The following KCNQ1OT1 variants were observed in gnomAD, a reference collection of about 807,000 sequenced individuals.
KCNQ1OT1 encodes KCNQ1 opposite strand/antisense transcript 1.
chr11:2,679,390 T>A lies in KCNQ1OT1; in HGVS notation n.20605A>T. On this transcript the variant is annotated non_coding_transcript_exon_variant, in exon 1 of 1. Transcript: ENST00000597346. The surrounding 1 kb of genome is among the most constrained non-coding windows in gnomAD (Gnocchi z 4.8). ...GAGTCACTTAGTCTCAGTTTCTTTA[T>A]TTGTAAAATGGGAATCATAAGAGTA... The A allele has an allele frequency of 2.5e-6, 1 of 398,672 alleles. No individual in the cohort carries two copies. Among genetic ancestry groups the A allele is most frequent in the Non-Finnish European group, 4.4e-6 (1 of 226,078 alleles). 24.7% of individuals were successfully genotyped at this position (398,672 alleles called of 1,614,324 possible).
chr11:2,675,234 A>G (rs903835695), exon 1 of KCNQ1OT1: 7 of 398,528 alleles, frequency 1.8e-5, no homozygotes, highest in African/African-American at 1.4e-4. Flanking sequence ...GGGCCAAACC[A>G]GCTCCCAAGC....
At chr11:2,689,669 C>CA in exon 1 of KCNQ1OT1, 1 of 398,678 alleles carries the variant, frequency 2.5e-6, no homozygotes, top group Non-Finnish European at 4.4e-6. Context: ...CTGAGAGGGC[C>CA]AGGGCAGAGT....
chr11:2,656,456 GT>G (rs1849849651), exon 1 of KCNQ1OT1: 2 of 398,578 alleles, frequency 5.0e-6, no homozygotes, highest in Non-Finnish European at 8.8e-6. Context: ...TGTCTGTGTG[GT>G]TTCCTGCTGG....
chr11:2,666,865 G>C, exon 1 of KCNQ1OT1: 1 of 398,726 alleles, frequency 2.5e-6, no homozygotes, highest in Non-Finnish European at 4.4e-6. Flanking sequence ...TGAGGGGCTT[G>C]TCAAGAACAG....
chr11:2,640,627 C>G, exon 1 of KCNQ1OT1: 1 of 396,798 alleles, frequency 2.5e-6, no homozygotes, highest in Non-Finnish European at 4.4e-6. Context: ...TTACATGCAT[C>G]GAATGTGTAA....
At position 2,626,081 on chromosome 11, in the gene KCNQ1OT1, A is replaced by G; in HGVS notation, n.73914T>C. ...TTACTTTTATTGCCTGTGCAAGTAC[A>G]ATTTATCTATTTTTACTTTTATTGC... is the stretch of plus-strand genomic sequence containing the variant. On this transcript the variant is annotated non_coding_transcript_exon_variant, in exon 1 of 1. Coordinates refer to ENST00000597346, the Ensembl canonical transcript of KCNQ1OT1. This position sits in a 1 kb window ranked among gnomAD's most constrained non-coding sequence, Gnocchi z 4.0. 1 of 398,554 alleles carries G rather than the reference A, an allele frequency of 2.5e-6. No homozygotes were observed. Among genetic ancestry groups the G allele is most frequent in the Non-Finnish European group, 4.4e-6 (1 of 226,058 alleles). 24.7% of individuals were successfully genotyped at this position (398,554 alleles called of 1,614,324 possible). A position where few individuals can be genotyped will look rare whatever the true frequency, so the allele number is the denominator to read the frequency against.
chr11:2,630,810 T>A (rs1849340136), exon 1 of KCNQ1OT1: 3 of 398,346 alleles, frequency 7.5e-6, no homozygotes, highest in South Asian at 1.3e-4. Flanking sequence ...CCTGAGGAAG[T>A]CTTGTATCTG....
In KCNQ1OT1 at chr11:2,653,192, C is replaced by T; in HGVS notation, n.46803G>A. 1 of 398,760 alleles carries T rather than the reference C, an allele frequency of 2.5e-6. No homozygotes were observed. Among genetic ancestry groups the T allele is most frequent in the Non-Finnish European group, 4.4e-6 (1 of 226,132 alleles). 24.7% of individuals were successfully genotyped at this position (398,760 alleles called of 1,614,324 possible). A position where few individuals can be genotyped will look rare whatever the true frequency, so the allele number is the denominator to read the frequency against. On this transcript the variant is annotated non_coding_transcript_exon_variant, in exon 1 of 1. Transcript: ENST00000597346. This position sits in a 1 kb window ranked among gnomAD's most constrained non-coding sequence, Gnocchi z 5.3. ...AATCCCTTTCCAAGAGTTCCCTGTGCTGTTGCAGGGCTAGGGCCAGGGCCT... is the reference window on the plus strand; with the variant it reads ...AATCCCTTTCCAAGAGTTCCCTGTGTTGTTGCAGGGCTAGGGCCAGGGCCT...
At chr11:2,619,591 A>G (rs1196402157) in exon 1 of KCNQ1OT1, 3 of 398,354 alleles carry the variant, frequency 7.5e-6, no homozygotes, top group South Asian at 1.3e-4. Flanking sequence ...GGATTTTTGC[A>G]TCGGTATTCT....
rs1484280418 is a variant in KCNQ1OT1, at chr11:2,613,451, A to G, written n.86544T>C. ...TGCATAGGGTTTTCTATGGAATTCA[A>G]AATCAGATGAGCCTTCTTTGTTGCT... On this transcript the variant is annotated non_coding_transcript_exon_variant, in exon 1 of 1. Transcript: ENST00000597346. The surrounding 1 kb of genome is among the most constrained non-coding windows in gnomAD (Gnocchi z 4.8). 2.5e-6 allele frequency: 1 copy of G among 398,460 alleles called. No homozygotes were observed. Among genetic ancestry groups the G allele is most frequent in the East Asian group, 3.6e-5 (1 of 28,084 alleles). The allele number at this position is 398,460 out of a possible 1,614,324, so 24.7% of individuals were successfully genotyped here.
exon 1 of KCNQ1OT1, chr11:2,650,801 G>A (rs139281851): frequency 2.8e-5 from 11 of 398,604 alleles, no homozygotes; most frequent in African/African-American, 1.8e-4. Flanking sequence ...CTAACAGCAT[G>A]GGTCATGTGG....
exon 1 of KCNQ1OT1, chr11:2,686,970 G>A (rs543931993): frequency 2.5e-6 from 1 of 398,656 alleles, no homozygotes; most frequent in South Asian, 1.3e-4. Context: ...CTGATGCAGA[G>A]GCAAGGACAA....
chr11:2,654,236 T>G lies in KCNQ1OT1; in HGVS notation n.45759A>C, dbSNP rs1411677297. 5.0e-6 allele frequency: 2 copies of G among 398,442 alleles called. No homozygotes were observed. Among genetic ancestry groups the G allele is most frequent in the Admixed American group, 4.4e-5 (1 of 22,708 alleles). The allele number at this position is 398,442 out of a possible 1,614,324, so 24.7% of individuals were successfully genotyped here. A position where few individuals can be genotyped will look rare whatever the true frequency, so the allele number is the denominator to read the frequency against. On this transcript the variant is annotated non_coding_transcript_exon_variant, in exon 1 of 1. Transcript: ENST00000597346. The surrounding 1 kb of genome is among the most constrained non-coding windows in gnomAD (Gnocchi z 6.4). ...CTGGCTGCAGCTGTCCGGATGCCCCTGGGGAGGGCTTCTCCTTCACAGTGC... is the reference window on the plus strand; with the variant it reads ...CTGGCTGCAGCTGTCCGGATGCCCCGGGGGAGGGCTTCTCCTTCACAGTGC...
At position 2,663,008 on chromosome 11, in the gene KCNQ1OT1, G is replaced by A. The variant is rs970753182; in HGVS notation, n.36987C>T. ...GCAAGGCCTGGCCTTGCAAATCACT[G>A]AGGAAATCGGGACCCATGGTGCTGG... is the stretch of plus-strand genomic sequence containing the variant. On this transcript the variant is annotated non_coding_transcript_exon_variant, in exon 1 of 1. Coordinates refer to ENST00000597346, the Ensembl canonical transcript of KCNQ1OT1. This position sits in a 1 kb window ranked among gnomAD's most constrained non-coding sequence, Gnocchi z 5.2. The A allele has an allele frequency of 1.0e-5, 4 of 398,750 alleles. No individual in the cohort carries two copies. The highest frequency in any genetic ancestry group is 1.8e-5 in the Non-Finnish European group (4 of 226,146). 24.7% of individuals were successfully genotyped at this position (398,750 alleles called of 1,614,324 possible).
exon 1 of KCNQ1OT1, chr11:2,675,247 T>G (rs1375565252): frequency 5.0e-6 from 2 of 398,510 alleles, no homozygotes; most frequent in Non-Finnish European, 8.8e-6. Context: ...TCCCAAGCAG[T>G]ACTGTTTCAG....
At position 2,673,496 on chromosome 11, in the gene KCNQ1OT1, C is replaced by G. The variant is rs1850226831; in HGVS notation, n.26499G>C. On this transcript the variant is annotated non_coding_transcript_exon_variant, in exon 1 of 1. Transcript: ENST00000597346. The surrounding 1 kb of genome is among the most constrained non-coding windows in gnomAD (Gnocchi z 4.5). The stretch of plus-strand genomic sequence containing the variant: ...AAGCCATACAGACTCCTGCTCATCA[C>G]AACCACTTGTTGATGCTGACAGCCT... 1 of 398,548 alleles carries G rather than the reference C, an allele frequency of 2.5e-6. No individual in the cohort carries two copies. 24.7% of individuals were successfully genotyped at this position (398,548 alleles called of 1,614,324 possible).
chr11:2,618,068 T>A (rs1849097763), exon 1 of KCNQ1OT1: 1 of 398,490 alleles, frequency 2.5e-6, no homozygotes, highest in Admixed American at 4.4e-5. Flanking sequence ...TTTTGTAGCC[T>A]GAGCTTTTGG....
exon 1 of KCNQ1OT1, chr11:2,666,508 C>T (rs756902493): frequency 5.8e-5 from 23 of 398,518 alleles, no homozygotes; most frequent in African/African-American, 1.6e-4. Flanking sequence ...CCAGCAAGGC[C>T]GCTGTGGCCT....
exon 1 of KCNQ1OT1, chr11:2,666,415 G>A (rs573781860): frequency 7.5e-6 from 3 of 398,700 alleles, no homozygotes; most frequent in African/African-American, 4.1e-5. Context: ...ACAGCCCCGT[G>A]TGCGTTAATT....
Sources: allele counts gnomAD v4.1 joint callset, GRCh38; gene constraint gnomAD v4.1.1; non-coding constraint Gnocchi (gnomAD v3.1); transcripts MANE v1.5; gene names NCBI Gene and HGNC (gene_info 2026-07-23, HGNC 2026-07-21).